The following SYTL2 variants were observed in gnomAD, a reference collection of about 807,000 sequenced individuals.
SYTL2 encodes the protein synaptotagmin-like protein 2.
In SYTL2, 165 loss-of-function variants were observed where a neutral mutation model predicts 198.7. The observed-to-expected ratio is 0.83, with a 90% CI of 0.73 to 0.94. The LOEUF is 0.94. Among genes scored for constraint, SYTL2 ranks in the 40% least tolerant of loss-of-function variants. SYTL2 has a pLI of 0.00. For missense variants in SYTL2, 2,835 were observed against 2,582.8 expected, an observed-to-expected ratio of 1.10 and a Z score of -2.12; for synonymous variants, 966 against 917.7, an observed-to-expected ratio of 1.05 and a Z score of -0.95.
intron 1 of SYTL2, among the ~76,000 whole-genome samples, chr11:85,758,744 C>T (rs1435653582): frequency 6.6e-6 from 1 of 152,220 alleles, no homozygotes; most frequent in African/African-American, 2.4e-5. Flanking sequence ...AGTTTCAAAA[C>T]ACCTCACCAT....
At position 85,725,549 on chromosome 11, in the gene SYTL2, A is replaced by C; in HGVS notation, c.3809T>G (p.Phe1270Cys). ...SADKREILAP[F>C]PVRDETFGNT... ...TCCAAAAGTTTCATCTCTCACTGGA[A>C]AAGGAGCTAGTATTTCTCTCTTATC... Residue 1270 changes from phenylalanine (F) to cysteine (C), a missense_variant, in exon 8 of 20, where the codon TTT becomes TGT. Transcript: ENST00000359152. 6.2e-7 allele frequency: 1 copy of C among 1,614,104 alleles called. No homozygotes were observed. Among genetic ancestry groups the C allele is most frequent in the Non-Finnish European group, 8.5e-7 (1 of 1,179,984 alleles).
chr11:85,718,589 G>C (rs2087746710), intron 10 of SYTL2: 1 of 587,534 alleles, frequency 1.7e-6, no homozygotes, highest in African/African-American at 1.9e-5. Context: ...CCTCATGACA[G>C]TATCACCAGA....
upstream of SYTL2, among the ~76,000 whole-genome samples, chr11:85,814,963 T>C (rs1355225426): frequency 1.3e-5 from 2 of 152,232 alleles, no homozygotes; most frequent in African/African-American, 2.4e-5. Flanking sequence ...GATTTCATCC[T>C]GTCTTTATAG....
At chr11:85,829,072 T>C in the SYTL2 span, among the ~76,000 whole-genome samples, 1 of 151,848 alleles carries the variant, frequency 6.6e-6, no homozygotes, top group African/African-American at 2.4e-5. Context: ...TGTTTGTTTG[T>C]TTGTTTTATA....
At chr11:85,835,371 A>G in the SYTL2 span, among the ~76,000 whole-genome samples, 1 of 151,608 alleles carries the variant, frequency 6.6e-6, no homozygotes. Context: ...CTAGCCTCCC[A>G]ATTTTTGGTT....
intron 16 of SYTL2, among the ~76,000 whole-genome samples, chr11:85,703,625 C>T (rs2084678469): frequency 1.3e-5 from 2 of 152,022 alleles, no homozygotes; most frequent in South Asian, 4.1e-4. Context: ...AAAGGAGAGT[C>T]TTGAACAGAA....
the SYTL2 span, among the ~76,000 whole-genome samples, chr11:85,816,928 A>C: frequency 3.3e-5 from 5 of 151,664 alleles, no homozygotes; most frequent in Non-Finnish European, 4.4e-5. Context: ...AAAAAAAAAA[A>C]AAAAAAAGAC....
At chr11:85,839,019 G>A in the SYTL2 span, among the ~76,000 whole-genome samples, 1 of 152,264 alleles carries the variant, frequency 6.6e-6, no homozygotes, top group Admixed American at 6.5e-5. Context: ...GACTATAGAT[G>A]CCCACCACTG....
chr11:85,735,025 C>T (rs2090194552), intron 6 of SYTL2, among the ~76,000 whole-genome samples: 1 of 152,118 alleles, frequency 6.6e-6, no homozygotes, highest in South Asian at 2.1e-4. Context: ...GAAGAGTGAA[C>T]CCTGATGTAA....
At chr11:85,825,425 A>C in the SYTL2 span, among the ~76,000 whole-genome samples, 13 of 150,382 alleles carry the variant, frequency 8.6e-5, no homozygotes, top group Non-Finnish European at 1.3e-4. Flanking sequence ...GTTGAGTTAT[A>C]GAGGGAAGAG....
chr11:85,778,021 G>A lies in SYTL2; in HGVS notation c.-389-19907C>T, dbSNP rs564719563. Among the ~76,000 whole-genome samples the A allele has an allele frequency of 1.1e-4, 17 of 151,950 alleles. No homozygotes were observed. In the South Asian group the frequency reaches 2.5e-3, roughly 22 times the overall value. On this transcript the variant is annotated intron_variant, in intron 1 of 19. Coordinates refer to ENST00000359152, the MANE Select transcript of SYTL2 (RefSeq NM_206927.4). ...TTTAGTGAAGATGGGGTTTCACCAC[G>A]TTGGCCAGGCTGGTCTCCAACGCCT...
At chr11:85,720,713 G>A (rs17744128) in intron 9 of SYTL2, 145 bp downstream of exon 9, 9,860 of 531,028 alleles carry the variant, frequency 0.019, 121 homozygotes, top group Non-Finnish European at 0.025. Context: ...CCTCTTCAGC[G>A]CACTTTGGAG....
chr11:85,806,272 G>A (rs1592092980), intron 1 of SYTL2, among the ~76,000 whole-genome samples: 1 of 152,166 alleles, frequency 6.6e-6, no homozygotes, highest in Non-Finnish European at 1.5e-5. Context: ...AGCTGCACAT[G>A]TCTTTGCTCC....
At chr11:85,700,769 A>G in intron 16 of SYTL2, 176 bp from the exon 17 acceptor site, 1 of 525,038 alleles carries the variant, frequency 1.9e-6, no homozygotes. Flanking sequence ...AATACCTGGG[A>G]AAACTAGGTT....
the SYTL2 span, among the ~76,000 whole-genome samples, chr11:85,839,121 G>A: frequency 6.6e-6 from 1 of 152,136 alleles, no homozygotes; most frequent in Admixed American, 6.6e-5. Context: ...GGATATTCAT[G>A]AGTTATCCCA....
intron 1 of SYTL2, among the ~76,000 whole-genome samples, chr11:85,760,433 G>T (rs1768575795): frequency 6.6e-6 from 1 of 152,144 alleles, no homozygotes; most frequent in Non-Finnish European, 1.5e-5. Context: ...ACAAATAAAA[G>T]AATGAGCAAA....
intron 4 of SYTL2, 110 bp from the exon 5 acceptor site, chr11:85,737,766 G>C (rs1330921399): frequency 2.5e-6 from 2 of 797,704 alleles, no homozygotes; most frequent in African/African-American, 1.7e-5. Context: ...AGCTGGTGCA[G>C]AAGAATAAGA....
intron 1 of SYTL2, among the ~76,000 whole-genome samples, chr11:85,767,472 G>A (rs2092265835): frequency 6.6e-6 from 1 of 152,154 alleles, no homozygotes; most frequent in African/African-American, 2.4e-5. Flanking sequence ...GGAAGAACAA[G>A]CTGATTTATT....
intron 16 of SYTL2, among the ~76,000 whole-genome samples, chr11:85,703,001 G>A (rs977838915): frequency 1.3e-5 from 2 of 152,168 alleles, no homozygotes; most frequent in South Asian, 4.1e-4. Flanking sequence ...TTATATTATA[G>A]ATTGGCTTAA....
Sources: allele counts gnomAD v4.1 joint callset (sites outside exome capture counted in the v4.1 genomes callset), GRCh38; gene constraint gnomAD v4.1.1; transcripts MANE v1.5; gene names NCBI Gene and HGNC (gene_info 2026-07-23, HGNC 2026-07-21).